Variants in CDCP2 observed in about 807,000 individuals in gnomAD.
The protein encoded by CDCP2 is CUB domain-containing protein 2.
A neutral mutation model predicts 31.0 loss-of-function variants in CDCP2; 31 were observed. That is an observed-to-expected ratio of 1.00 (90% confidence interval 0.75 to 1.35). CDCP2 has a LOEUF of 1.35. Ranked by LOEUF, CDCP2 falls within the 40% of genes most tolerant of loss-of-function variation. The pLI, the probability that CDCP2 is intolerant of heterozygous loss-of-function variation, is 0.00. For synonymous variants in CDCP2, 206 were observed against 207.9 expected, an observed-to-expected ratio of 0.99 and a Z score of 0.08; for missense variants, 443 against 482.6, an observed-to-expected ratio of 0.92 and a Z score of 0.77.
At chr1:54,144,691 C>A in exon 2 of CDCP2, 1 of 1,614,224 alleles carries the variant, frequency 6.2e-7, no homozygotes, top group Non-Finnish European at 8.5e-7. Context: ...GTGAGCAGCA[C>A]CGAGGATCCC....
chr1:54,137,800 C>A (rs1166121440), intron 4 of CDCP2: 1 of 152,086 alleles, frequency 6.6e-6, no homozygotes, highest in South Asian at 2.1e-4. Context: ...CTGGAACTCT[C>A]AACCCCTCTC....
chr1:54,136,365 G>A (rs971227605), intron 5 of CDCP2, among the ~76,000 whole-genome samples: 17 of 152,210 alleles, frequency 1.1e-4, no homozygotes, highest in African/African-American at 2.4e-5. Context: ...CAGCAGCTGG[G>A]GTTAGGAAAG....
rs113860529 is a variant in CDCP2, at chr1:54,137,663, A to ATGTGTGTGTGTG, written c.1118-867_1118-856dup. 312 of 144,950 alleles carry ATGTGTGTGTGTG rather than the reference A, an allele frequency of 2.2e-3. 1 individual carries two copies. Among genetic ancestry groups the ATGTGTGTGTGTG allele is most frequent in the East Asian group, 5.2e-3 (25 of 4,804 alleles). 9.0% of individuals were successfully genotyped at this position (144,950 alleles called of 1,614,324 possible). ...CTCAAAATGTCTGCTTTGGGTGAGC[A>ATGTGTGTGTGTG]TGTGTGTGTGTGTGTGTGTGCGTGT... On this transcript the variant is annotated intron_variant, in intron 4 of 5. Coordinates refer to ENST00000530059, the Ensembl canonical transcript of CDCP2.
intron 1 of CDCP2, among the ~76,000 whole-genome samples, chr1:54,150,907 G>A (rs1159103138): frequency 6.6e-6 from 1 of 152,246 alleles, no homozygotes; most frequent in East Asian, 1.9e-4. Context: ...GGCTTGTGCT[G>A]ATTCAAAATG....
intron 1 of CDCP2, among the ~76,000 whole-genome samples, chr1:54,152,443 G>A (rs1057076956): frequency 5.5e-5 from 8 of 144,444 alleles, no homozygotes; most frequent in African/African-American, 1.8e-4. Context: ...CAGCCTGGGC[G>A]ACAGGGCAAG....
chr1:54,143,679 G>C (rs1659412403), intron 2 of CDCP2: 1 of 152,230 alleles, frequency 6.6e-6, no homozygotes, highest in Admixed American at 6.5e-5. Flanking sequence ...CAGGATTGCT[G>C]TTGGCGGACC....
Position 54,144,072 on chromosome 1 carries a change from A to G in CDCP2, c.427+394T>C, listed in dbSNP as rs116158425. On this transcript the variant is annotated intron_variant, in intron 2 of 5. Coordinates refer to ENST00000530059, the Ensembl canonical transcript of CDCP2. ...GACACAGGACAAGAATGACAAGGGT[A>G]GTAGAGCATGAGAGCCTCATTCCTG... The G allele has an allele frequency of 5.9e-3, 991 of 169,020 alleles. 13 individuals carry two copies. The highest frequency in any genetic ancestry group is 0.022 in the African/African-American group (916 of 41,902). The allele number at this position is 169,020 out of a possible 1,614,324, so 10.5% of individuals were successfully genotyped here.
At chr1:54,150,595 T>TAAA (rs559491653) in intron 1 of CDCP2, among the ~76,000 whole-genome samples, 20 of 145,290 alleles carry the variant, frequency 1.4e-4, no homozygotes, top group African/African-American at 5.0e-4. Flanking sequence ...AGACTCCATT[T>TAAA]AAAAAAAAAA....
At chr1:54,133,913 C>CAAACA (rs748829165) in intron 5 of CDCP2, among the ~76,000 whole-genome samples, 1 of 144,790 alleles carries the variant, frequency 6.9e-6, no homozygotes, top group Non-Finnish European at 1.5e-5. Context: ...AACAAACAAA[C>CAAACA]AAAAAAAACC....
Position 54,144,565 on chromosome 1 carries a change from G to T in CDCP2, c.328C>A (p.Pro110Thr), listed in dbSNP as rs151305021. ...CAGGAGGAGGTGAAGGGCGGCGGGG[G>T]CACCTTGCCGCAGAACCTCCCCAGC... Residue 110 changes from proline to threonine, a missense_variant, in exon 2 of 6, where the codon CCC (proline) becomes ACC (threonine). By Grantham distance (38) the Pro-to-Thr change is conservative (BLOSUM62 -1). Transcript: ENST00000530059. The T allele has an allele frequency of 3.7e-6, 6 of 1,613,732 alleles. No individual in the cohort carries two copies. In the African/African-American group the frequency reaches 8.0e-5, roughly 22 times the overall value.
chr1:54,144,770 G>C (rs1570067722), exon 2 of CDCP2: 1 of 1,613,974 alleles, frequency 6.2e-7, no homozygotes, highest in Non-Finnish European at 8.5e-7. Context: ...TGGGGCTGGA[G>C]AAGTTTCCAG....
intron 1 of CDCP2, among the ~76,000 whole-genome samples, chr1:54,149,214 G>A (rs961461552): frequency 6.6e-6 from 1 of 151,456 alleles, no homozygotes; most frequent in Non-Finnish European, 1.5e-5. Context: ...CTGGGTGACA[G>A]AGAGAGACCT....
chr1:54,141,168 G>A (rs549754509), exon 3 of CDCP2: 38 of 1,574,166 alleles, frequency 2.4e-5, no homozygotes, highest in Non-Finnish European at 2.8e-5. Context: ...CCTGCAGTTC[G>A]TGGCCCAGAG....
chr1:54,141,016 G>A, intron 3 of CDCP2, 82 bp downstream of exon 3: 2 of 1,197,706 alleles, frequency 1.7e-6, no homozygotes, highest in Non-Finnish European at 2.3e-6. Context: ...GGGCAGAAAG[G>A]TGTGACCCCT....
rs184631584 is a variant in CDCP2, at chr1:54,134,799, G to A, written c.1297-1505C>T. On this transcript the variant is annotated intron_variant, in intron 5 of 5. Transcript: ENST00000530059. ...TGCCCAGGCTGGAGTGTAGTGGCAT[G>A]ATCTTGGCTCACTGCAACCTCTGCC... Among the ~76,000 whole-genome samples, 22 of 151,914 alleles carry A rather than the reference G, an allele frequency of 1.4e-4. No individual in the cohort carries two copies. In the East Asian group the frequency reaches 3.7e-3, roughly 25 times the overall value.
rs1275262427 is a variant in CDCP2 at position 54,133,914 on chromosome 1, A to AAACAAACAAACAAACAAAC, written c.1297-621_1297-620insGTTTGTTTGTTTGTTTGTT. On this transcript the variant is annotated intron_variant, in intron 5 of 5. Transcript: ENST00000530059. ...CCATCTCAAAAACAAACAAACAAAC[A>AAACAAACAAACAAACAAAC]AAAAAAACCCCATGTTACAGAGGAG... is the stretch of plus-strand genomic sequence containing the variant. Among the ~76,000 whole-genome samples, 195 of 147,812 alleles carry AAACAAACAAACAAACAAAC rather than the reference A, an allele frequency of 1.3e-3. 2 individuals are homozygous for AAACAAACAAACAAACAAAC. The highest frequency in any genetic ancestry group is 4.5e-3 in the African/African-American group (181 of 40,260).
chr1:54,144,453 G>T lies in CDCP2; in HGVS notation c.427+13C>A. 6.4e-7 allele frequency: 1 copy of T among 1,554,964 alleles called. No individual in the cohort carries two copies. The highest frequency in any genetic ancestry group is 8.7e-7 in the Non-Finnish European group (1 of 1,148,060). ...TGAGCCACTGCAACAGGTCCCTAAG[G>T]CCCCCCGTTGACCTTTCTGGTAGCC... On this transcript the variant is annotated intron_variant, in intron 2 of 5. Coordinates refer to ENST00000530059, the Ensembl canonical transcript of CDCP2.
intron 2 of CDCP2, 114 bp downstream of exon 2, chr1:54,144,351 TG>T (rs1659422899): frequency 1.0e-6 from 1 of 969,344 alleles, no homozygotes; most frequent in East Asian, 2.6e-5. Flanking sequence ...GCTCCTCCAC[TG>T]CCAAATCCCC....
At position 54,140,125 on chromosome 1, in the gene CDCP2, G is replaced by T. The variant is rs774739404; in HGVS notation, c.764-19C>A. On this transcript the variant is annotated intron_variant, in intron 3 of 5. Coordinates refer to ENST00000530059, the Ensembl canonical transcript of CDCP2. ...CATTCTCCTGGATGGGGGATGGGGA[G>T]GTGGAAGGAGCAACAGTGAGGGGAG... 5 of 1,608,310 alleles carry T rather than the reference G, an allele frequency of 3.1e-6. No homozygotes were observed. In the East Asian group the frequency reaches 1.1e-4, roughly 36 times the overall value.
Sources: allele counts gnomAD v4.1 joint callset (sites outside exome capture counted in the v4.1 genomes callset), GRCh38; gene constraint gnomAD v4.1.1; transcripts MANE v1.5; gene names NCBI Gene and HGNC (gene_info 2026-07-23, HGNC 2026-07-21).